Variants in RNF166 observed in about 807,000 individuals in gnomAD.
The protein encoded by RNF166 is ring finger protein 166, also known as E3 ubiquitin-protein ligase RNF166.
A neutral mutation model predicts 29.4 loss-of-function variants in RNF166; 19 were observed. The observed-to-expected ratio is 0.65, with a 90% CI of 0.45 to 0.95. RNF166 has a LOEUF of 0.95. RNF166 is among the 40% of genes least tolerant of loss of function. The pLI, the probability that RNF166 is intolerant of heterozygous loss-of-function variation, is 0.00. For synonymous variants in RNF166, 171 were observed against 134.5 expected (o/e 1.27, Z -1.88); for missense variants, 347 against 322.1 (o/e 1.08, Z -0.59).
At chr16:88,701,168 G>C in intron 2 of RNF166, 94 bp downstream of exon 2, 1 of 1,499,442 alleles carries the variant, frequency 6.7e-7, no homozygotes, top group Non-Finnish European at 9.2e-7. Flanking sequence ...ACAGGAAAGA[G>C]AGAGGGCCCC....
intron 2 of RNF166, chr16:88,700,740 G>A: frequency 2.0e-6 from 2 of 994,542 alleles, no homozygotes; most frequent in Non-Finnish European, 2.4e-6. Context: ...GGACAGGATG[G>A]ACATGGGGGC....
chr16:88,701,281 C>T lies in RNF166; in HGVS notation c.293G>A (p.Cys98Tyr), dbSNP rs1367571872. The change falls in exon 2 of 6, where the codon TGT (cysteine) becomes TAT (tyrosine). Residue 98 changes from cysteine to tyrosine, a missense_variant. Transcript: ENST00000312838. Reference sequence around the variant, plus strand: ...GGGTACCTTTTTGTTGCAGCCTCGACAGGGCGCTTTGTAGGATGAGAGCTG... The same window carrying T: ...GGGTACCTTTTTGTTGCAGCCTCGATAGGGCGCTTTGTAGGATGAGAGCTG... ...EKQLSSYKAP[C>Y]RGCNKKVTLA... is the part of the protein sequence containing the mutation. 1.9e-6 allele frequency: 3 copies of T among 1,613,622 alleles called. No homozygotes were observed.
chr16:88,698,876 A>C (rs1279735232), intron 4 of RNF166, 95 bp downstream of exon 4: 1 of 995,130 alleles, frequency 1.0e-6, no homozygotes, highest in Non-Finnish European at 1.5e-6. Flanking sequence ...TGGCCTGGGC[A>C]CCCCCGGACT....
At chr16:88,701,675 A>T in intron 1 of RNF166, 3 of 454,318 alleles carry the variant, frequency 6.6e-6, no homozygotes. Flanking sequence ...CAGAGCCGTC[A>T]CTATGGCTGT....
At chr16:88,704,863 G>A (rs920975637) in intron 1 of RNF166, among the ~76,000 whole-genome samples, 4 of 152,170 alleles carry the variant, frequency 2.6e-5, no homozygotes, top group African/African-American at 4.8e-5. Context: ...GGTGGCGGGT[G>A]CCTGTAATCC....
rs997583452 is a variant in RNF166 at position 88,697,304 on chromosome 16, G to C, written c.*264C>G. The stretch of plus-strand genomic sequence containing the variant: ...CGGCAGCTCCAGGTCCCAGCGTCCA[G>C]CCCTGCCCAAGTAGGCCGCCTGCTC... On this transcript the variant is annotated 3_prime_UTR_variant, in exon 6 of 6. Transcript: ENST00000312838. 2.1e-5 allele frequency: 8 copies of C among 384,754 alleles called. No homozygotes were observed. In the East Asian group the frequency reaches 3.2e-4, roughly 16 times the overall value. 23.8% of individuals were successfully genotyped at this position (384,754 alleles called of 1,614,324 possible). A position where few individuals can be genotyped will look rare whatever the true frequency, so the allele number is the denominator to read the frequency against.
intron 4 of RNF166, 118 bp from the exon 5 acceptor site, chr16:88,698,727 C>A: frequency 3.8e-6 from 3 of 785,268 alleles, no homozygotes; most frequent in Non-Finnish European, 4.0e-6. Flanking sequence ...GAAGGCACCC[C>A]AGACCTGGAG....
intron 5 of RNF166, 58 bp downstream of exon 5, chr16:88,698,444 G>A (rs1340352465): frequency 7.4e-7 from 1 of 1,352,378 alleles, no homozygotes; most frequent in African/African-American, 1.5e-5. Context: ...AGGGGCCCGA[G>A]CAGGAGGAGG....
At chr16:88,703,717 T>TG (rs1160158517) in intron 1 of RNF166, 2 of 985,290 alleles carry the variant, frequency 2.0e-6, no homozygotes, top group Non-Finnish European at 2.4e-6. Context: ...GCGATGGGTG[T>TG]GGGGGCGTCG....
chr16:88,703,840 C>T (rs116937930), intron 1 of RNF166: 94,809 of 985,408 alleles, frequency 0.096, 4,959 homozygotes, highest in Middle Eastern at 0.11. Flanking sequence ...TGGGACGGCC[C>T]GTGCCTCAGG....
intron 1 of RNF166, chr16:88,703,742 G>T (rs1567640272): frequency 1.0e-6 from 1 of 985,480 alleles, no homozygotes; most frequent in Non-Finnish European, 1.2e-6. Flanking sequence ...CCTTACAAAG[G>T]GAGGGGCGAT....
intron 4 of RNF166, 61 bp from the exon 5 acceptor site, chr16:88,698,670 G>A: frequency 7.7e-7 from 1 of 1,295,322 alleles, no homozygotes; most frequent in Non-Finnish European, 1.1e-6. Flanking sequence ...AGCCGCAGTA[G>A]GACTGGGGGC....
rs989812850 is a variant in RNF166, at chr16:88,697,147, T to C, written c.*421A>G. On this transcript the variant is annotated 3_prime_UTR_variant, in exon 6 of 6. Transcript: ENST00000312838. The stretch of plus-strand genomic sequence containing the variant: ...AAAAGCCAGTACCAAATGCGCAAGG[T>C]GGAAGTGGGGCCGGGGCAGGGTCGG... 5 of 173,640 alleles carry C rather than the reference T, an allele frequency of 2.9e-5. No individual in the cohort carries two copies. The highest frequency in any genetic ancestry group is 7.2e-5 in the African/African-American group (3 of 41,776). 10.8% of individuals were successfully genotyped at this position (173,640 alleles called of 1,614,324 possible). A position where few individuals can be genotyped will look rare whatever the true frequency, so the allele number is the denominator to read the frequency against.
At chr16:88,699,556 C>G in intron 3 of RNF166, 64 bp downstream of exon 3, 1 of 1,344,512 alleles carries the variant, frequency 7.4e-7, no homozygotes, top group Non-Finnish European at 1.0e-6. Flanking sequence ...GGGCACTGCG[C>G]TTGCTCCCAG....
At position 88,701,364 on chromosome 16, in the gene RNF166, T is replaced by C; in HGVS notation, c.210A>G (p.Pro70=). Residue 70 remains proline, a synonymous_variant, in exon 2 of 6, where the codon CCA becomes CCG. Coordinates refer to ENST00000312838, the MANE Select transcript of RNF166 (RefSeq NM_178841.4). The part of the protein sequence containing the change: ...PCLQVPSPLC[P]LCRLPFDPKK... ...TGGGGTCGAAGGGCAGGCGGCAGAG[T>C]GGGCACAGCGGGGATGGCACCTGCA... 6.2e-7 allele frequency: 1 copy of C among 1,612,576 alleles called. No homozygotes were observed. Among genetic ancestry groups the C allele is most frequent in the Non-Finnish European group, 8.5e-7 (1 of 1,179,702 alleles).
At chr16:88,704,246 C>A (rs1328736089) in intron 1 of RNF166, 1 of 985,322 alleles carries the variant, frequency 1.0e-6, no homozygotes, top group Non-Finnish European at 1.2e-6. Flanking sequence ...CTTAGCAACA[C>A]CAACAAGAAA....
chr16:88,701,354 G>A lies in RNF166; in HGVS notation c.220C>T (p.Leu74=), dbSNP rs533198076. The part of the protein sequence containing the change: ...VPSPLCPLCR[L]PFDPKKVDKA... ...TCCACCTTCTTGGGGTCGAAGGGCA[G>A]GCGGCAGAGTGGGCACAGCGGGGAT... The change falls in exon 2 of 6, where the codon CTG becomes TTG. Residue 74 remains leucine, a synonymous_variant. Coordinates refer to ENST00000312838, the MANE Select transcript of RNF166 (RefSeq NM_178841.4). 1.1e-5 allele frequency: 17 copies of A among 1,613,330 alleles called. No homozygotes were observed. In the East Asian group the frequency reaches 3.3e-4, roughly 32 times the overall value.
chr16:88,697,759 C>A, intron 5 of RNF166, 126 bp from the exon 6 acceptor site: 1 of 698,818 alleles, frequency 1.4e-6, no homozygotes. Context: ...AGGAAGGACC[C>A]AGCTCCACTG....
chr16:88,701,999 C>T (rs1910287107), intron 1 of RNF166, among the ~76,000 whole-genome samples: 1 of 152,228 alleles, frequency 6.6e-6, no homozygotes, highest in East Asian at 1.9e-4. Context: ...GGGGGTCCTG[C>T]TCCATCTGGG....
Sources: gnomAD v4.1 joint callset for allele counts (sites outside exome capture counted in the v4.1 genomes callset) on GRCh38, gnomAD v4.1.1 for gene constraint, MANE v1.5 for transcripts, NCBI Gene and HGNC (gene_info 2026-07-23, HGNC 2026-07-21) for gene names.